PAPPA2: variants seen among roughly 807,000 people sequenced by gnomAD.
The protein encoded by PAPPA2 is pappalysin-2.
In PAPPA2, 86 loss-of-function variants were observed where a neutral mutation model predicts 176.4. The observed-to-expected ratio is 0.49, with a 90% CI of 0.41 to 0.58. The LOEUF (loss-of-function observed/expected upper bound fraction) is 0.58. Among genes scored for constraint, PAPPA2 ranks in the 20% least tolerant of loss-of-function variants. The pLI is 0.00. For missense variants in PAPPA2, 2,073 were observed against 2,256.9 expected (o/e 0.92, Z 1.65); for synonymous variants, 809 against 852.2 (o/e 0.95, Z 0.88).
At chr1:176,611,574 T>C (rs1210938568) in intron 3 of PAPPA2, among the ~76,000 whole-genome samples, 4 of 152,200 alleles carry the variant, frequency 2.6e-5, no homozygotes, top group Non-Finnish European at 5.9e-5. Context: ...TGACCCTTGG[T>C]CAGCAAATTG....
At chr1:176,729,259 A>T (rs1374400173) in intron 12 of PAPPA2, among the ~76,000 whole-genome samples, 4 of 152,038 alleles carry the variant, frequency 2.6e-5, no homozygotes, top group African/African-American at 9.7e-5. Flanking sequence ...TGTCCTAATG[A>T]TTGTAGTCTC....
intron 17 of PAPPA2, among the ~76,000 whole-genome samples, chr1:176,774,972 C>T (rs572316407): frequency 1.3e-5 from 2 of 152,212 alleles, no homozygotes; most frequent in East Asian, 3.9e-4. Flanking sequence ...CATGGAATTC[C>T]TTCTTCCCAG....
intron 1 of PAPPA2, among the ~76,000 whole-genome samples, chr1:176,504,209 A>G (rs1014235850): frequency 6.6e-6 from 1 of 152,112 alleles, no homozygotes; most frequent in African/African-American, 2.4e-5. Context: ...TCAGGAAAAA[A>G]ATAAATAGCC....
At chr1:176,834,429 AACG>A (rs1571397143) in intron 21 of PAPPA2, among the ~76,000 whole-genome samples, 1 of 152,342 alleles carries the variant, frequency 6.6e-6, no homozygotes, top group East Asian at 1.9e-4. Context: ...AGAGTTGAAC[AACG>A]ACATTTCCTT....
chr1:176,506,450 C>T (rs1162868814), intron 1 of PAPPA2, among the ~76,000 whole-genome samples: 2 of 151,944 alleles, frequency 1.3e-5, no homozygotes, highest in Non-Finnish European at 2.9e-5. Flanking sequence ...GGCAGTATGG[C>T]CATTTTAATG....
At chr1:176,578,768 T>C (rs1281710701) in intron 2 of PAPPA2, among the ~76,000 whole-genome samples, 3 of 152,168 alleles carry the variant, frequency 2.0e-5, no homozygotes, top group African/African-American at 7.2e-5. Context: ...ATCAGGCCTA[T>C]ATAACCTCTC....
intron 2 of PAPPA2, among the ~76,000 whole-genome samples, chr1:176,562,123 A>G (rs1440587760): frequency 6.6e-6 from 1 of 152,174 alleles, no homozygotes; most frequent in Non-Finnish European, 1.5e-5. Context: ...GAGTCAAACC[A>G]TATCAAGACC....
intron 3 of PAPPA2, among the ~76,000 whole-genome samples, chr1:176,661,906 A>G (rs1658379643): frequency 6.6e-6 from 1 of 152,262 alleles, no homozygotes; most frequent in East Asian, 1.9e-4. Context: ...TTATCTAAGC[A>G]TATTTTTCAC....
chr1:176,696,634 A>G (rs1274373119), intron 7 of PAPPA2, among the ~76,000 whole-genome samples: 1 of 152,238 alleles, frequency 6.6e-6, no homozygotes, highest in Non-Finnish European at 1.5e-5. Flanking sequence ...ACAGGATTTT[A>G]GCACCTCCTG....
At chr1:176,609,347 C>T (rs1654779340) in intron 3 of PAPPA2, among the ~76,000 whole-genome samples, 1 of 152,116 alleles carries the variant, frequency 6.6e-6, no homozygotes. Context: ...ACAAATTTTT[C>T]TTCTCTTATG....
chr1:176,799,276 A>G (rs1421706382), intron 20 of PAPPA2, among the ~76,000 whole-genome samples: 1 of 152,250 alleles, frequency 6.6e-6, no homozygotes, highest in Non-Finnish European at 1.5e-5. Context: ...AAAAAGAAAA[A>G]GAAAAAAGTT....
intron 1 of PAPPA2, among the ~76,000 whole-genome samples, chr1:176,479,559 G>T (rs1446069050): frequency 6.6e-6 from 1 of 152,184 alleles, no homozygotes; most frequent in African/African-American, 2.4e-5. Context: ...TCCAGGGCAA[G>T]AGGCTATGTG....
In PAPPA2 at chr1:176,557,255, C is replaced by T; in HGVS notation, c.919+14C>T. On this transcript the variant is annotated intron_variant, in intron 2 of 22. Coordinates refer to ENST00000367662, the MANE Select transcript of PAPPA2 (RefSeq NM_020318.3). Reference sequence around the variant, plus strand: ...CCATCATCGCAGGTAACACCCTTCTCCTGGGCTTTCTGAAATCCTGAGGGT... The same window carrying T: ...CCATCATCGCAGGTAACACCCTTCTTCTGGGCTTTCTGAAATCCTGAGGGT... 1 of 1,553,476 alleles carries T rather than the reference C, an allele frequency of 6.4e-7. No homozygotes were observed. The highest frequency in any genetic ancestry group is 8.7e-7 in the Non-Finnish European group (1 of 1,149,868).
In PAPPA2 at chr1:176,699,087, A is replaced by T; in HGVS notation, c.2747-13A>T. 1 of 1,598,496 alleles carries T rather than the reference A, an allele frequency of 6.3e-7. No homozygotes were observed. The highest frequency in any genetic ancestry group is 8.5e-7 in the Non-Finnish European group (1 of 1,170,030). On this transcript the variant is annotated splice_polypyrimidine_tract_variant and intron_variant, in intron 7 of 22. Coordinates refer to ENST00000367662, the MANE Select transcript of PAPPA2 (RefSeq NM_020318.3). ...GCTGCTACTGATGTATCTTTCTGCT[A>T]ATCTCCCCCCAGGGCCTCCTGATGT...
chr1:176,741,822 T>C (rs1283573311), intron 14 of PAPPA2, among the ~76,000 whole-genome samples: 1 of 152,210 alleles, frequency 6.6e-6, no homozygotes, highest in Non-Finnish European at 1.5e-5. Flanking sequence ...TGTAGACTAT[T>C]AAAATAACAT....
At chr1:176,760,421 C>T (rs1433310501) in intron 14 of PAPPA2, among the ~76,000 whole-genome samples, 1 of 152,154 alleles carries the variant, frequency 6.6e-6, no homozygotes, top group African/African-American at 2.4e-5. Context: ...ATATCTAGAT[C>T]TTTATGGGGT....
chr1:176,525,986 T>G (rs1479405173), intron 1 of PAPPA2, among the ~76,000 whole-genome samples: 3 of 152,196 alleles, frequency 2.0e-5, no homozygotes, highest in Non-Finnish European at 4.4e-5. Context: ...AGCTCCATGC[T>G]TATGGAGGTT....
Position 176,588,073 on chromosome 1 carries a change from C to T in PAPPA2, c.920-6451C>T, listed in dbSNP as rs568707827. ...GAATGTTTTTCCATTTGTTTGTGTCCTCTCTTATATCCTTGAGCAGTGGTT... is the reference window on the plus strand; with the variant it reads ...GAATGTTTTTCCATTTGTTTGTGTCTTCTCTTATATCCTTGAGCAGTGGTT... On this transcript the variant is annotated intron_variant, in intron 2 of 22. Transcript: ENST00000367662. 2.3e-4 allele frequency among the ~76,000 whole-genome samples: 35 copies of T among 152,214 alleles called. No individual in the cohort carries two copies. In the South Asian group the frequency reaches 7.3e-3, roughly 32 times the overall value.
At chr1:176,714,145 G>A (rs769009391) in intron 12 of PAPPA2, among the ~76,000 whole-genome samples, 2 of 151,696 alleles carry the variant, frequency 1.3e-5, no homozygotes, top group African/African-American at 2.4e-5. Context: ...AAGGGAAAAC[G>A]TAAACTGAAA....
Sources: gnomAD v4.1 joint callset for allele counts (sites outside exome capture counted in the v4.1 genomes callset) on GRCh38, gnomAD v4.1.1 for gene constraint, MANE v1.5 for transcripts, NCBI Gene and HGNC (gene_info 2026-07-23, HGNC 2026-07-21) for gene names.